EYS: variants seen among roughly 807,000 people sequenced by gnomAD.
The protein encoded by EYS is EGF-like photoreceptor maintenance factor, also known as protein eyes shut homolog.
Under a neutral mutation model 282.1 loss-of-function variants are expected in EYS, and 250 were observed. The observed-to-expected ratio is 0.89, with a 90% CI of 0.80 to 0.98. The LOEUF (loss-of-function observed/expected upper bound fraction) is 0.98. EYS is among the 50% of genes least tolerant of loss of function. The pLI, the probability that EYS is intolerant of heterozygous loss-of-function variation, is 0.00. For missense variants in EYS, 4,016 were observed against 3,709.0 expected (o/e 1.08, Z -2.15); for synonymous variants, 1,355 against 1,282.9 (o/e 1.06, Z -1.20).
intron 1 of EYS, among the ~76,000 whole-genome samples, chr6:65,683,418 G>A (rs1398523008): frequency 6.6e-6 from 1 of 150,748 alleles, no homozygotes. Context: ...TTCCCCTATT[G>A]CAATAGTCTT....
At chr6:64,346,430 T>C (rs903990102) in intron 29 of EYS, among the ~76,000 whole-genome samples, 1 of 151,864 alleles carries the variant, frequency 6.6e-6, no homozygotes, top group African/African-American at 2.4e-5. Context: ...GAAACCATCA[T>C]TCTCAGCAAA....
At chr6:63,827,869 A>G (rs1451773836) in intron 36 of EYS, among the ~76,000 whole-genome samples, 1 of 150,856 alleles carries the variant, frequency 6.6e-6, no homozygotes, top group Non-Finnish European at 1.5e-5. Context: ...AAAAAAAAAA[A>G]AAGAAATTAC....
intron 22 of EYS, among the ~76,000 whole-genome samples, chr6:64,641,212 T>C (rs1164076345): frequency 6.6e-6 from 1 of 152,058 alleles, no homozygotes; most frequent in East Asian, 1.9e-4. Context: ...GAGGAGCAAG[T>C]CCCTTCTTGC....
intron 29 of EYS, among the ~76,000 whole-genome samples, chr6:64,326,263 C>T (rs1316923654): frequency 6.6e-6 from 1 of 152,038 alleles, no homozygotes; most frequent in Non-Finnish European, 1.5e-5. Context: ...GTCAGTGGAC[C>T]TCATCTATAC....
At chr6:65,484,571 G>C (rs1765722143) in intron 5 of EYS, among the ~76,000 whole-genome samples, 1 of 152,174 alleles carries the variant, frequency 6.6e-6, no homozygotes, top group Non-Finnish European at 1.5e-5. Context: ...GCAGACAAAA[G>C]TAGGTAATTC....
intron 29 of EYS, among the ~76,000 whole-genome samples, chr6:64,316,738 A>G (rs1368865847): frequency 6.6e-6 from 1 of 152,202 alleles, no homozygotes. Flanking sequence ...CAAACCAAAA[A>G]AGATCCCACA....
rs192869561 is a variant in EYS, at chr6:65,569,945, A to T, written c.-333+69833T>A. On this transcript the variant is annotated intron_variant, in intron 2 of 42. Transcript: ENST00000503581. ...GATAAATCAGCTCAATCTAGGCAGC[A>T]GGCAAAATGAACCTGTTGAGTGGTT... 5.1e-3 allele frequency among the ~76,000 whole-genome samples: 774 copies of T among 152,224 alleles called. 4 individuals are homozygous for T. The highest frequency in any genetic ancestry group is 0.017 in the African/African-American group (705 of 41,528).
intron 14 of EYS, among the ~76,000 whole-genome samples, chr6:64,991,092 T>G (rs1771046360): frequency 6.6e-6 from 1 of 151,558 alleles, no homozygotes; most frequent in South Asian, 2.1e-4. Context: ...TAGTCTTACA[T>G]CATACAGGGA....
chr6:65,496,550 T>G (rs1467788672), intron 2 of EYS, among the ~76,000 whole-genome samples: 1 of 152,114 alleles, frequency 6.6e-6, no homozygotes, highest in Non-Finnish European at 1.5e-5. Flanking sequence ...ATGTTATTCA[T>G]TTGTTTAATG....
At chr6:64,305,410 T>A (rs1300086068) in intron 30 of EYS, among the ~76,000 whole-genome samples, 1 of 152,130 alleles carries the variant, frequency 6.6e-6, no homozygotes, top group Admixed American at 6.5e-5. Flanking sequence ...AGAATCTCAA[T>A]GTACTCTGAA....
intron 22 of EYS, among the ~76,000 whole-genome samples, chr6:64,779,810 T>C (rs1328447933): frequency 6.6e-6 from 1 of 152,196 alleles, no homozygotes; most frequent in Non-Finnish European, 1.5e-5. Flanking sequence ...ACATAAGAGC[T>C]ATAAATTAAA....
At chr6:63,983,089 G>A (rs1413387875) in intron 35 of EYS, among the ~76,000 whole-genome samples, 2 of 151,770 alleles carry the variant, frequency 1.3e-5, no homozygotes, top group African/African-American at 2.4e-5. Flanking sequence ...AAAGCCTTGA[G>A]GAAAGTGATG....
At chr6:65,057,763 A>G in intron 12 of EYS, 36 bp from the exon 13 acceptor site, 1 of 1,326,548 alleles carries the variant, frequency 7.5e-7, no homozygotes, top group Non-Finnish European at 1.1e-6. Context: ...TTAAGTGTTA[A>G]CAAGACAGGC....
At chr6:64,970,738 C>A (rs1770262225) in intron 14 of EYS, among the ~76,000 whole-genome samples, 1 of 152,126 alleles carries the variant, frequency 6.6e-6, no homozygotes, top group South Asian at 2.1e-4. Flanking sequence ...ACTAGTGATG[C>A]TGCAAGTGCT....
chr6:65,346,567 A>G (rs770655926), intron 9 of EYS, among the ~76,000 whole-genome samples: 1 of 151,744 alleles, frequency 6.6e-6, no homozygotes, highest in Non-Finnish European at 1.5e-5. Context: ...ATGAAAAGAA[A>G]TAGGAAAGAG....
At chr6:64,267,900 T>C (rs932124098) in intron 30 of EYS, among the ~76,000 whole-genome samples, 2 of 152,274 alleles carry the variant, frequency 1.3e-5, no homozygotes, top group African/African-American at 4.8e-5. Flanking sequence ...TTTTAGGTTT[T>C]TGCTCTCTTA....
At chr6:64,085,030 G>C (rs1230209641) in intron 31 of EYS, among the ~76,000 whole-genome samples, 2 of 151,480 alleles carry the variant, frequency 1.3e-5, no homozygotes, top group Non-Finnish European at 2.9e-5. Context: ...TGTTTTTTTT[G>C]AGACAGAGTC....
intron 12 of EYS, among the ~76,000 whole-genome samples, chr6:65,258,166 T>G (rs1055958515): frequency 1.3e-5 from 2 of 152,130 alleles, no homozygotes; most frequent in African/African-American, 4.8e-5. Context: ...TTTAAATAAC[T>G]TTTAGGTTAA....
intron 12 of EYS, among the ~76,000 whole-genome samples, chr6:65,274,157 A>T (rs1767978220): frequency 6.6e-6 from 1 of 152,220 alleles, no homozygotes; most frequent in Non-Finnish European, 1.5e-5. Flanking sequence ...TGACTTGTGG[A>T]GTGAAGATTG....
Sources: gnomAD v4.1 joint callset for allele counts (sites outside exome capture counted in the v4.1 genomes callset) on GRCh38, gnomAD v4.1.1 for gene constraint, MANE v1.5 for transcripts, NCBI Gene and HGNC (gene_info 2026-07-23, HGNC 2026-07-21) for gene names.